HERC6: variants seen among roughly 807,000 people sequenced by gnomAD.
HERC6 encodes the protein probable E3 ubiquitin-protein ligase HERC6.
HERC6 carries 101 observed loss-of-function variants against 114.5 expected under a neutral mutation model. That is an observed-to-expected ratio of 0.88 (90% CI 0.75 to 1.04). The LOEUF is 1.04. Among genes scored for constraint, HERC6 ranks in the 50% least tolerant of loss-of-function variants. The probability of loss-of-function intolerance (pLI) is 0.00; values close to 1 mark genes in which losing one functional copy is unlikely to be tolerated. For missense variants in HERC6, 1,133 were observed against 1,230.9 expected, an observed-to-expected ratio of 0.92 and a Z score of 1.19; for synonymous variants, 408 against 436.2, an observed-to-expected ratio of 0.94 and a Z score of 0.81.
chr4:88,422,345 T>C (rs1367615005), intron 13 of HERC6, among the ~76,000 whole-genome samples: 1 of 152,228 alleles, frequency 6.6e-6, no homozygotes, highest in African/African-American at 2.4e-5. Context: ...ACCAGTATAA[T>C]GTTTTATAAC....
Position 88,442,955 on chromosome 4 carries a change from T to C in HERC6, c.*495T>C, listed in dbSNP as rs760097423. On this transcript the variant is annotated 3_prime_UTR_variant, in exon 23 of 23. Coordinates refer to ENST00000264346, the MANE Select transcript of HERC6 (RefSeq NM_017912.4). ...TAGGGTGTAACCATCAAGAAACCTCTACAGGGTACTTAAGCCCCAGAAGAT... is the reference window on the plus strand; with the variant it reads ...TAGGGTGTAACCATCAAGAAACCTCCACAGGGTACTTAAGCCCCAGAAGAT... 1.2e-5 allele frequency: 2 copies of C among 163,764 alleles called. No homozygotes were observed. Among genetic ancestry groups the C allele is most frequent in the Non-Finnish European group, 2.7e-5 (2 of 73,892 alleles). The allele number at this position is 163,764 out of a possible 1,614,324, so 10.1% of individuals were successfully genotyped here. A position where few individuals can be genotyped will look rare whatever the true frequency, so the allele number is the denominator to read the frequency against.
At chr4:88,429,131 A>C (rs1450566996) in intron 16 of HERC6, among the ~76,000 whole-genome samples, 2 of 152,166 alleles carry the variant, frequency 1.3e-5, no homozygotes, top group Non-Finnish European at 2.9e-5. Context: ...TTGGCTAGGG[A>C]CTGGCTGACC....
chr4:88,418,686 G>A (rs1251370955), intron 13 of HERC6, among the ~76,000 whole-genome samples: 1 of 152,066 alleles, frequency 6.6e-6, no homozygotes, highest in Non-Finnish European at 1.5e-5. Flanking sequence ...TAAGTAACTT[G>A]GTGAGAGACC....
At chr4:88,438,119 G>A (rs1398276910) in intron 20 of HERC6, among the ~76,000 whole-genome samples, 1 of 115,452 alleles carries the variant, frequency 8.7e-6, no homozygotes, top group African/African-American at 3.4e-5. Flanking sequence ...GAGTGAGACT[G>A]TGTCTCAAAA....
intron 15 of HERC6, 31 bp from the exon 16 acceptor site, chr4:88,428,549 G>A (rs745509928): frequency 1.3e-6 from 2 of 1,538,536 alleles, no homozygotes; most frequent in African/African-American, 1.4e-5. Context: ...AGGTCAAAAG[G>A]AGAAGCCAAC....
chr4:88,390,299 T>C (rs1218822517), intron 3 of HERC6, among the ~76,000 whole-genome samples: 1 of 151,882 alleles, frequency 6.6e-6, no homozygotes, highest in African/African-American at 2.4e-5. Context: ...GGTATAAACT[T>C]TCAGTTATAA....
chr4:88,381,440 A>G (rs1734313246), intron 1 of HERC6, among the ~76,000 whole-genome samples: 1 of 152,182 alleles, frequency 6.6e-6, no homozygotes, highest in Non-Finnish European at 1.5e-5. Context: ...AACTCAGGGA[A>G]AGTGACTAGA....
intron 13 of HERC6, 74 bp from the exon 14 acceptor site, chr4:88,423,786 A>G (rs1252719661): frequency 3.3e-6 from 2 of 602,074 alleles, no homozygotes; most frequent in Non-Finnish European, 5.6e-6. Context: ...ACAGCCATAC[A>G]TATATATCTA....
At chr4:88,386,502 G>T (rs889745281) in intron 3 of HERC6, among the ~76,000 whole-genome samples, 3 of 151,944 alleles carry the variant, frequency 2.0e-5, no homozygotes, top group South Asian at 2.1e-4. Context: ...CACTGTGCCC[G>T]GTCCCCAATT....
chr4:88,383,229 C>T lies in HERC6; in HGVS notation c.208C>T (p.Gln70Ter). 1 of 1,610,142 alleles carries T rather than the reference C, an allele frequency of 6.2e-7. No individual in the cohort carries two copies. The highest frequency in any genetic ancestry group is 8.5e-7 in the Non-Finnish European group (1 of 1,178,264). ...TGTTTTGTTTCCCAAAGAACCAATTCAGGCATTGGAAACCCTAATTGTTGA... is the reference window on the plus strand; with the variant it reads ...TGTTTTGTTTCCCAAAGAACCAATTTAGGCATTGGAAACCCTAATTGTTGA... ...AQRGELPEPI[Q>*]ALETLIVDLV... Residue 70 changes from glutamine to a stop codon, truncating the protein, a stop_gained, in exon 2 of 23, where the codon CAG (glutamine) becomes TAG (stop). Transcript: ENST00000264346. LOFTEE classifies it high-confidence loss of function.
chr4:88,383,502 T>C, intron 2 of HERC6, 122 bp downstream of exon 2: 1 of 720,576 alleles, frequency 1.4e-6, no homozygotes, highest in Non-Finnish European at 2.0e-6. Context: ...TTCATGTCTG[T>C]AATCCCAACA....
intron 17 of HERC6, among the ~76,000 whole-genome samples, chr4:88,432,991 G>A (rs1738393392): frequency 6.6e-6 from 1 of 151,976 alleles, no homozygotes; most frequent in Admixed American, 6.6e-5. Context: ...GGGAGGCTGA[G>A]GCAGGAGAAC....
chr4:88,431,322 T>C lies in HERC6; in HGVS notation c.2250+17T>C. The C allele has an allele frequency of 1.3e-6, 2 of 1,581,930 alleles. No individual in the cohort carries two copies. The highest frequency in any genetic ancestry group is 1.7e-6 in the Non-Finnish European group (2 of 1,170,358). ...CCTGCCAAGGTAAGTCTTTTCTTTT[T>C]TTTTTTTCCCCCAGAACAGAAAAGG... On this transcript the variant is annotated intron_variant, in intron 17 of 22. Coordinates refer to ENST00000264346, the MANE Select transcript of HERC6 (RefSeq NM_017912.4).
intron 3 of HERC6, among the ~76,000 whole-genome samples, chr4:88,390,038 G>T (rs1022839810): frequency 6.6e-6 from 1 of 151,958 alleles, no homozygotes; most frequent in African/African-American, 2.4e-5. Context: ...AATTAGCCGG[G>T]CGTGGTGGCA....
intron 20 of HERC6, among the ~76,000 whole-genome samples, chr4:88,439,326 C>T (rs1397015604): frequency 6.7e-6 from 1 of 148,168 alleles, no homozygotes; most frequent in Admixed American, 6.9e-5. Context: ...CTGGGCAACA[C>T]AGGGAGACCC....
chr4:88,403,547 G>A (rs1485156429), intron 8 of HERC6, among the ~76,000 whole-genome samples: 1 of 152,208 alleles, frequency 6.6e-6, no homozygotes, highest in Non-Finnish European at 1.5e-5. Context: ...GAGGTCAGGA[G>A]ATGGAGACCA....
intron 15 of HERC6, 59 bp downstream of exon 15, chr4:88,424,761 T>C (rs1412350545): frequency 1.1e-5 from 11 of 961,866 alleles, no homozygotes; most frequent in African/African-American, 1.7e-5. Context: ...ATAGAGATAG[T>C]GGTATAATGA....
At chr4:88,436,085 A>G (rs1738702233) in intron 18 of HERC6, among the ~76,000 whole-genome samples, 194 bp downstream of exon 18, 1 of 152,168 alleles carries the variant, frequency 6.6e-6, no homozygotes, top group African/African-American at 2.4e-5. Context: ...TGTTCCTCTA[A>G]TTATTAACAA....
chr4:88,383,953 G>A (rs1008967548), intron 2 of HERC6, among the ~76,000 whole-genome samples: 2 of 151,918 alleles, frequency 1.3e-5, no homozygotes, highest in Non-Finnish European at 1.5e-5. Flanking sequence ...AACTGTGGGG[G>A]CCAACTTAGA....
Sources: allele counts gnomAD v4.1 joint callset (sites outside exome capture counted in the v4.1 genomes callset), GRCh38; gene constraint gnomAD v4.1.1; transcripts MANE v1.5; gene names NCBI Gene and HGNC (gene_info 2026-07-23, HGNC 2026-07-21).